RANBP2: variants seen among roughly 807,000 people sequenced by gnomAD.
RANBP2 encodes E3 SUMO-protein ligase RanBP2.
RANBP2 carries 57 observed loss-of-function variants against 303.6 expected under a neutral mutation model. The observed-to-expected ratio is 0.19, with a 90% CI of 0.15 to 0.23. The LOEUF is 0.23. RANBP2 is among the 10% of genes least tolerant of loss of function. RANBP2 has a pLI of 1.00. For missense variants in RANBP2, 3,138 were observed against 3,780.8 expected (o/e 0.83, Z 4.46); for synonymous variants, 1,167 against 1,301.5 (o/e 0.90, Z 2.23).
the RANBP2 span, among the ~76,000 whole-genome samples, chr2:109,489,842 A>G: frequency 6.6e-6 from 1 of 152,024 alleles, no homozygotes; most frequent in Non-Finnish European, 1.5e-5. Flanking sequence ...GGTTCAAGCT[A>G]TTCTCCCACC....
chr2:109,376,528 C>T, the RANBP2 span, among the ~76,000 whole-genome samples: 1 of 152,136 alleles, frequency 6.6e-6, no homozygotes, highest in Non-Finnish European at 1.5e-5. Context: ...GGATCGTGAT[C>T]CAAAAATAGT....
chr2:109,175,657 A>G, the RANBP2 span, among the ~76,000 whole-genome samples: 1 of 152,216 alleles, frequency 6.6e-6, no homozygotes, highest in African/African-American at 2.4e-5. Flanking sequence ...AAGGATCTCC[A>G]GAATCAGTAA....
At chr2:109,136,526 T>A in the RANBP2 span, among the ~76,000 whole-genome samples, 19 of 152,154 alleles carry the variant, frequency 1.2e-4, no homozygotes, top group Middle Eastern at 3.2e-3. Flanking sequence ...TGTATAAAGT[T>A]GCAGCATGAT....
chr2:109,343,144 GT>G, the RANBP2 span, among the ~76,000 whole-genome samples: 1 of 152,094 alleles, frequency 6.6e-6, no homozygotes, highest in Admixed American at 6.5e-5. Flanking sequence ...AGGCCTCCAG[GT>G]TGCTGCCGTG....
Position 108,767,416 on chromosome 2 carries a change from A to G in RANBP2, c.6877A>G (p.Thr2293Ala), listed in dbSNP as rs1677195839. 4 of 1,611,970 alleles carry G rather than the reference A, an allele frequency of 2.5e-6. No homozygotes were observed. Among genetic ancestry groups the G allele is most frequent in the Admixed American group, 1.7e-5 (1 of 60,018 alleles). ...KLNQSGTSVG[T>A]DEESDVTQEE... is the part of the protein sequence containing the mutation. ...GAATCAGAGTGGGACTTCAGTTGGC[A>G]CTGATGAAGAATCTGATGTTACTCA... Residue 2293 changes from threonine to alanine, a missense_variant, in exon 20 of 29, where the codon ACT (threonine) becomes GCT (alanine). By Grantham distance (58) the Thr-to-Ala change is moderately conservative. This residue lies in a region of RANBP2 where 72 missense variants were observed against 86.8 expected (regional missense o/e 0.83). Transcript: ENST00000283195.
At chr2:109,368,730 GAAAA>G in the RANBP2 span, among the ~76,000 whole-genome samples, 1 of 146,558 alleles carries the variant, frequency 6.8e-6, no homozygotes, top group Non-Finnish European at 1.5e-5. Flanking sequence ...AAAAGAAAAA[GAAAA>G]AGAAAGAACG....
At chr2:108,951,855 C>T in the RANBP2 span, among the ~76,000 whole-genome samples, 3 of 152,110 alleles carry the variant, frequency 2.0e-5, no homozygotes, top group African/African-American at 4.8e-5. Context: ...CCAATTAATT[C>T]GGCAGACATT....
At chr2:109,608,126 T>C in the RANBP2 span, among the ~76,000 whole-genome samples, 1 of 152,248 alleles carries the variant, frequency 6.6e-6, no homozygotes, top group South Asian at 2.1e-4. Flanking sequence ...AAGCAGCTTT[T>C]TATTTTAATT....
At chr2:108,846,724 C>T in the RANBP2 span, 1 of 1,588,334 alleles carries the variant, frequency 6.3e-7, no homozygotes, top group South Asian at 1.1e-5. Flanking sequence ...TAAGATTGTA[C>T]ATATTTTTAA....
the RANBP2 span, among the ~76,000 whole-genome samples, chr2:109,592,038 TC>T: frequency 6.6e-6 from 1 of 152,088 alleles, no homozygotes; most frequent in Non-Finnish European, 1.5e-5. Context: ...ACCAAACCCC[TC>T]CCCACAGACC....
At chr2:109,313,249 T>G in the RANBP2 span, among the ~76,000 whole-genome samples, 1 of 152,240 alleles carries the variant, frequency 6.6e-6, no homozygotes, top group Admixed American at 6.5e-5. Context: ...TCAGGATCCC[T>G]ATTCCTCTTC....
chr2:109,599,387 G>A, the RANBP2 span, among the ~76,000 whole-genome samples: 1 of 151,696 alleles, frequency 6.6e-6, no homozygotes, highest in Non-Finnish European at 1.5e-5. Flanking sequence ...GAACTCAGGA[G>A]GCGGAGGTTG....
the RANBP2 span, among the ~76,000 whole-genome samples, chr2:109,290,222 A>G: frequency 2.2e-4 from 34 of 152,362 alleles, no homozygotes; most frequent in African/African-American, 8.2e-4. Flanking sequence ...ATCTTCAGAC[A>G]CATCACATCA....
Position 108,766,632 on chromosome 2 carries a change from T to A in RANBP2, c.6093T>A (p.Asp2031Glu), listed in dbSNP as rs1677141284. Residue 2031 changes from aspartate (D) to glutamate (E), a missense_variant, in exon 20 of 29, where the codon GAT becomes GAA. Coordinates refer to ENST00000283195, the MANE Select transcript of RANBP2 (RefSeq NM_006267.5). The part of the protein sequence containing the change: ...EKVELVTGEE[D>E]EKVLYSQRVK... ...TAGAACTTGTAACAGGAGAAGAAGATGAAAAAGTTCTGTATTCACAGCGGG... is the reference window on the plus strand; with the variant it reads ...TAGAACTTGTAACAGGAGAAGAAGAAGAAAAAGTTCTGTATTCACAGCGGG... 1 of 1,611,998 alleles carries A rather than the reference T, an allele frequency of 6.2e-7. No homozygotes were observed. The highest frequency in any genetic ancestry group is 8.5e-7 in the Non-Finnish European group (1 of 1,179,846).
downstream of RANBP2, among the ~76,000 whole-genome samples, chr2:108,787,165 A>C (rs563451422): frequency 2.0e-5 from 3 of 152,306 alleles, no homozygotes; most frequent in East Asian, 5.8e-4. Flanking sequence ...GTGTTGGAGA[A>C]AGTGCTATTC....
chr2:108,746,480 C>T (rs1696530360), intron 7 of RANBP2, among the ~76,000 whole-genome samples: 1 of 146,356 alleles, frequency 6.8e-6, no homozygotes, highest in African/African-American at 2.5e-5. Context: ...ACCTTGGCCT[C>T]CCAGAGTGTT....
chr2:108,811,918 G>A, the RANBP2 span, among the ~76,000 whole-genome samples: 1 of 151,984 alleles, frequency 6.6e-6, no homozygotes, highest in African/African-American at 2.4e-5. Context: ...ATGACCTCCA[G>A]CTCCATCCAT....
At chr2:109,604,123 C>T in the RANBP2 span, among the ~76,000 whole-genome samples, 1,342 of 143,540 alleles carry the variant, frequency 9.3e-3, 95 homozygotes, top group Admixed American at 0.086. Flanking sequence ...GATCATGCCA[C>T]TGCACTCCAG....
the RANBP2 span, among the ~76,000 whole-genome samples, chr2:109,002,124 C>T: frequency 6.6e-6 from 1 of 152,228 alleles, no homozygotes; most frequent in South Asian, 2.1e-4. Context: ...CCCATGGCTG[C>T]ACTGCACCCT....
Sources: allele counts gnomAD v4.1 joint callset (sites outside exome capture counted in the v4.1 genomes callset), GRCh38; gene constraint gnomAD v4.1.1; regional missense constraint gnomAD v4.1.1; transcripts MANE v1.5; gene names NCBI Gene and HGNC (gene_info 2026-07-23, HGNC 2026-07-21).